The following APBB1IP variants were observed in gnomAD, a reference collection of about 807,000 sequenced individuals.
The protein encoded by APBB1IP is amyloid beta A4 precursor protein-binding family B member 1-interacting protein.
In APBB1IP, 27 loss-of-function variants were observed where a neutral mutation model predicts 64.9. That is an observed-to-expected ratio of 0.42 (90% confidence interval 0.31 to 0.57). The LOEUF (loss-of-function observed/expected upper bound fraction) is 0.57, where lower values mean the gene tolerates loss of function less well. Among genes scored for constraint, APBB1IP ranks in the 20% least tolerant of loss-of-function variants. The pLI is 0.20. For missense variants in APBB1IP, 812 were observed against 845.5 expected (o/e 0.96, Z 0.49); for synonymous variants, 392 against 331.0 (o/e 1.18, Z -2.00).
chr10:26,524,058 C>G (rs369958527), intron 8 of APBB1IP, among the ~76,000 whole-genome samples: 1 of 152,098 alleles, frequency 6.6e-6, no homozygotes, highest in South Asian at 2.1e-4. Context: ...TACTTTAAAC[C>G]GAAGGAGATT....
chr10:26,483,114 A>AAT (rs1420374897), intron 2 of APBB1IP, among the ~76,000 whole-genome samples: 2 of 150,996 alleles, frequency 1.3e-5, no homozygotes, highest in African/African-American at 4.9e-5. Context: ...AAAAAAAAAA[A>AAT]AAGCAGTCAA....
chr10:26,561,367 C>T (rs1330359153), intron 13 of APBB1IP, among the ~76,000 whole-genome samples: 1 of 146,596 alleles, frequency 6.8e-6, no homozygotes, highest in Non-Finnish European at 1.5e-5. Context: ...TGCACCTGGC[C>T]TGTTTTCTTT....
intron 5 of APBB1IP, among the ~76,000 whole-genome samples, chr10:26,502,521 A>C (rs938674374): frequency 1.3e-5 from 2 of 152,124 alleles, no homozygotes; most frequent in African/African-American, 4.8e-5. Context: ...AGGCGCCTGT[A>C]GTCCCAGCTA....
At chr10:26,494,750 A>G (rs1404665239) in intron 3 of APBB1IP, among the ~76,000 whole-genome samples, 1 of 152,074 alleles carries the variant, frequency 6.6e-6, no homozygotes, top group Non-Finnish European at 1.5e-5. Context: ...ATTTGAACCC[A>G]GGAGGCAGAG....
rs71521689 is a variant in APBB1IP at position 26,536,222 on chromosome 10, G to GAAAAAAAAAAAAAAAA, written c.1044+6_1044+21dup. 1 of 1,171,706 alleles carries GAAAAAAAAAAAAAAAA rather than the reference G, an allele frequency of 8.5e-7. No homozygotes were observed. Among genetic ancestry groups the GAAAAAAAAAAAAAAAA allele is most frequent in the African/African-American group, 1.8e-5 (1 of 56,632 alleles). The allele number at this position is 1,171,706 out of a possible 1,614,324, so 72.6% of individuals were successfully genotyped here. On this transcript the variant is annotated splice_donor_region_variant and intron_variant, in intron 10 of 14. Transcript: ENST00000376236. ...GTACCCAAAGGAAAGACTAAGGTCA[G>GAAAAAAAAAAAAAAAA]AAAAAAAAAAAAAAAAGCACTTAGC... is the stretch of plus-strand genomic sequence containing the variant.
intron 2 of APBB1IP, among the ~76,000 whole-genome samples, chr10:26,459,552 C>A (rs1419174410): frequency 1.3e-5 from 2 of 152,186 alleles, no homozygotes; most frequent in Non-Finnish European, 2.9e-5. Context: ...ACAGTCCCAC[C>A]AACAGTGTAA....
chr10:26,482,124 T>C (rs1835842530), intron 2 of APBB1IP, among the ~76,000 whole-genome samples: 1 of 152,218 alleles, frequency 6.6e-6, no homozygotes, highest in East Asian at 1.9e-4. Flanking sequence ...ATTGATCATA[T>C]GACCACAGTC....
chr10:26,505,559 G>T (rs1272443857), intron 6 of APBB1IP, among the ~76,000 whole-genome samples: 3 of 151,740 alleles, frequency 2.0e-5, no homozygotes, highest in Non-Finnish European at 4.4e-5. Flanking sequence ...TGCCCAGGTT[G>T]GTCTCAAACT....
At chr10:26,554,919 C>G (rs979471008) in intron 11 of APBB1IP, among the ~76,000 whole-genome samples, 9 of 152,126 alleles carry the variant, frequency 5.9e-5, no homozygotes, top group Admixed American at 1.3e-4. Context: ...CCACTTTCAT[C>G]AGGATGACTT....
chr10:26,537,894 G>C (rs928110110), intron 10 of APBB1IP, among the ~76,000 whole-genome samples: 1 of 145,606 alleles, frequency 6.9e-6, no homozygotes, highest in Non-Finnish European at 1.5e-5. Flanking sequence ...AGATCATGCC[G>C]CTGCACTCCA....
rs754898828 is a variant in APBB1IP at position 26,567,128 on chromosome 10, C to T, written c.1641C>T (p.Pro547=). The change falls in exon 15 of 15, where the codon CCC becomes CCT. Residue 547 remains proline, a synonymous_variant. Coordinates refer to ENST00000376236, the MANE Select transcript of APBB1IP (RefSeq NM_019043.4). ...KAKGTGGGGL[P]APPDDFLPPP... The stretch of plus-strand genomic sequence containing the variant: ...AGGGCACAGGCGGCGGGGGCTTGCC[C>T]GCCCCACCCGACGACTTCCTGCCGC... 1.6e-4 allele frequency: 224 copies of T among 1,418,888 alleles called. No homozygotes were observed. Among genetic ancestry groups the T allele is most frequent in the Admixed American group, 5.8e-4 (18 of 30,838 alleles). 87.9% of individuals were successfully genotyped at this position (1,418,888 alleles called of 1,614,324 possible). A position where few individuals can be genotyped will look rare whatever the true frequency, so the allele number is the denominator to read the frequency against.
intron 11 of APBB1IP, among the ~76,000 whole-genome samples, chr10:26,559,845 C>T (rs964072978): frequency 1.3e-4 from 19 of 151,994 alleles, no homozygotes; most frequent in Middle Eastern, 3.4e-3. Flanking sequence ...GGTTTCACCA[C>T]GTTGGCCAGG....
At position 26,501,004 on chromosome 10, in the gene APBB1IP, G is replaced by A. The variant is rs755281590; in HGVS notation, c.346G>A (p.Val116Ile). 2.5e-6 allele frequency: 4 copies of A among 1,614,044 alleles called. No homozygotes were observed. In the African/African-American group the frequency reaches 5.3e-5, roughly 22 times the overall value. Residue 116 changes from valine to isoleucine, a missense_variant, in exon 5 of 15, where the codon GTT becomes ATT. Val to Ile is a conservative substitution (Grantham distance 29). This residue lies in a region of APBB1IP where 394 missense variants were observed against 413.1 expected (regional missense o/e 0.95). Transcript: ENST00000376236. ...GAASLGYGTN[V>I]AATGISQYED... is the part of the protein sequence containing the mutation. ...AGCCTCTCTTGGTTATGGAACAAAT[G>A]TTGCTGCCACTGGTATCAGCCAATA...
chr10:26,518,739 C>G (rs971085606), intron 8 of APBB1IP, among the ~76,000 whole-genome samples: 1 of 152,182 alleles, frequency 6.6e-6, no homozygotes, highest in Non-Finnish European at 1.5e-5. Flanking sequence ...TGCTCAAATC[C>G]TTTGCCATGA....
intron 6 of APBB1IP, among the ~76,000 whole-genome samples, chr10:26,505,193 G>T (rs1836159498): frequency 6.6e-6 from 1 of 152,184 alleles, no homozygotes; most frequent in Non-Finnish European, 1.5e-5. Flanking sequence ...ACAGTTCTCT[G>T]AATGAAGGTG....
At chr10:26,543,028 A>G (rs1309028757) in intron 11 of APBB1IP, among the ~76,000 whole-genome samples, 1 of 149,466 alleles carries the variant, frequency 6.7e-6, no homozygotes, top group Non-Finnish European at 1.5e-5. Context: ...CACACCAAAG[A>G]CTTCTCTGGC....
chr10:26,543,771 A>G (rs1212039953), intron 11 of APBB1IP, among the ~76,000 whole-genome samples: 1 of 152,094 alleles, frequency 6.6e-6, no homozygotes, highest in East Asian at 1.9e-4. Flanking sequence ...GAGGCTCTCT[A>G]GGAAGTGACA....
At chr10:26,533,381 G>A in intron 8 of APBB1IP, 58 bp from the exon 9 acceptor site, 1 of 1,011,044 alleles carries the variant, frequency 9.9e-7, no homozygotes, top group Non-Finnish European at 1.4e-6. Flanking sequence ...TGAGTTCCTT[G>A]CAGAGTCTAG....
Position 26,547,062 on chromosome 10 carries a change from A to G in APBB1IP, c.1155+5370A>G, listed in dbSNP as rs867950507. 9.9e-5 allele frequency among the ~76,000 whole-genome samples: 15 copies of G among 152,114 alleles called. 1 individual carries two copies. The South Asian group carries it at 3.1e-3, about 32-fold the overall frequency. ...TTCCACATCCTTGTCAGCATTTGCTATTTTTTGTCCTTTTATCATAGCCAT... is the reference window on the plus strand; with the variant it reads ...TTCCACATCCTTGTCAGCATTTGCTGTTTTTTGTCCTTTTATCATAGCCAT... On this transcript the variant is annotated intron_variant, in intron 11 of 14. Coordinates refer to ENST00000376236, the MANE Select transcript of APBB1IP (RefSeq NM_019043.4).
Sources: gnomAD v4.1 joint callset for allele counts (sites outside exome capture counted in the v4.1 genomes callset) on GRCh38, gnomAD v4.1.1 for gene constraint, gnomAD v4.1.1 regional missense constraint, MANE v1.5 for transcripts, NCBI Gene and HGNC (gene_info 2026-07-23, HGNC 2026-07-21) for gene names.